Variants in TG observed in about 807,000 individuals in gnomAD.
The protein encoded by TG is thyroglobulin.
Under a neutral mutation model 324.7 loss-of-function variants are expected in TG, and 270 were observed. The observed-to-expected ratio is 0.83, with a 90% CI of 0.75 to 0.92. The LOEUF is 0.92. Among genes scored for constraint, TG ranks in the 40% least tolerant of loss-of-function variants. The pLI is 0.00. For synonymous variants in TG, 1,401 were observed against 1,327.0 expected (o/e 1.06, Z -1.21); for missense variants, 3,591 against 3,456.4 (o/e 1.04, Z -0.98).
At chr8:132,870,387 T>G (rs1839373156) in intron 3 of TG, among the ~76,000 whole-genome samples, 1 of 146,956 alleles carries the variant, frequency 6.8e-6, no homozygotes. Context: ...ATGGTTGTCA[T>G]GGGGGCACGC....
chr8:133,133,946 G>C (rs1464487252), intron 47 of TG, among the ~76,000 whole-genome samples: 1 of 152,208 alleles, frequency 6.6e-6, no homozygotes, highest in Non-Finnish European at 1.5e-5. Context: ...ACCAACATCA[G>C]GGCTTCCAGC....
chr8:133,092,260 A>G (rs774336919), intron 41 of TG, among the ~76,000 whole-genome samples: 1 of 152,230 alleles, frequency 6.6e-6, no homozygotes, highest in African/African-American at 2.4e-5. Context: ...CGAAGCAACT[A>G]CAGTGACTAA....
intron 10 of TG, among the ~76,000 whole-genome samples, chr8:132,892,901 ATGTG>A (rs1044583478): frequency 3.1e-5 from 4 of 126,988 alleles, no homozygotes; most frequent in African/African-American, 1.3e-4. Flanking sequence ...GCCTGTGTGC[ATGTG>A]TGTGTGGTGT....
intron 41 of TG, chr8:133,058,954 TG>T (rs1841952274): frequency 4.2e-6 from 2 of 479,732 alleles, no homozygotes; most frequent in South Asian, 1.5e-5. Flanking sequence ...CATGCTGGCT[TG>T]GGGGCATTGG....
chr8:133,096,258 A>T lies in TG; in HGVS notation c.7457A>T (p.His2486Leu), dbSNP rs765324261. 58 of 1,614,070 alleles carry T rather than the reference A, an allele frequency of 3.6e-5. No homozygotes were observed. The highest frequency in any genetic ancestry group is 4.6e-5 in the Non-Finnish European group (54 of 1,180,040). Residue 2486 changes from histidine to leucine, a missense_variant, in exon 43 of 48, where the codon CAC (histidine) becomes CTC (leucine). Coordinates refer to ENST00000220616, the MANE Select transcript of TG (RefSeq NM_003235.5). ...FHYWGPVIDG[H>L]FLREPPARAL... ...TACTGGGGTCCTGTGATCGATGGCC[A>T]CTTCCTCCGTGAGCCTCCAGCCAGA...
Position 132,913,063 on chromosome 8 carries a change from C to T in TG, c.4176C>T (p.Gly1392=). Residue 1392 remains glycine (G), a synonymous_variant, in exon 20 of 48, where the codon GGC becomes GGT. Transcript: ENST00000220616. ...GTCTTACAGAGAGAGCCTTGGTGGG[C>T]AAGGATCTCCTTGGGCGCTTCACAG... The part of the protein sequence containing the change: ...DLHDIERALV[G]KDLLGRFTDL... The T allele has an allele frequency of 6.2e-7, 1 of 1,614,146 alleles. No homozygotes were observed. Among genetic ancestry groups the T allele is most frequent in the Non-Finnish European group, 8.5e-7 (1 of 1,180,008 alleles).
intron 20 of TG, among the ~76,000 whole-genome samples, chr8:132,914,311 A>G (rs1819978113): frequency 6.6e-6 from 1 of 152,210 alleles, no homozygotes; most frequent in African/African-American, 2.4e-5. Context: ...GTGGGGTGAG[A>G]TAGAAAGACA....
intron 2 of TG, among the ~76,000 whole-genome samples, chr8:132,868,865 C>T (rs1275016426): frequency 6.6e-6 from 1 of 152,224 alleles, no homozygotes; most frequent in Non-Finnish European, 1.5e-5. Flanking sequence ...AATGTGCATG[C>T]ATTGAAATTT....
intron 45 of TG, among the ~76,000 whole-genome samples, chr8:133,128,728 A>G (rs1293435053): frequency 6.6e-6 from 1 of 152,216 alleles, no homozygotes; most frequent in Admixed American, 6.5e-5. Flanking sequence ...TAGGATGAGC[A>G]GCTGTCAGAT....
chr8:133,030,695 T>C (rs1836556654), intron 41 of TG, among the ~76,000 whole-genome samples: 1 of 152,208 alleles, frequency 6.6e-6, no homozygotes. Context: ...TTAAAGCAGA[T>C]ATTTATAAGA....
At chr8:132,931,154 T>G (rs1316696062) in intron 23 of TG, among the ~76,000 whole-genome samples, 1 of 152,232 alleles carries the variant, frequency 6.6e-6, no homozygotes, top group Non-Finnish European at 1.5e-5. Flanking sequence ...GACTCACTTC[T>G]CCCTGTGACT....
At chr8:132,924,536 C>T (rs929314233) in intron 22 of TG, among the ~76,000 whole-genome samples, 2 of 152,136 alleles carry the variant, frequency 1.3e-5, no homozygotes, top group East Asian at 1.9e-4. Context: ...TCAACAAATA[C>T]GTATTGAGCT....
Position 132,887,267 on chromosome 8 carries a change from T to A in TG, c.1895T>A (p.Phe632Tyr), listed in dbSNP as rs1344496823. 1 of 1,602,018 alleles carries A rather than the reference T, an allele frequency of 6.2e-7. No individual in the cohort carries two copies. The highest frequency in any genetic ancestry group is 8.5e-7 in the Non-Finnish European group (1 of 1,173,086). Residue 632 changes from phenylalanine to tyrosine, a missense_variant, in exon 9 of 48, where the codon TTT (phenylalanine) becomes TAT (tyrosine). By Grantham distance (22) the Phe-to-Tyr change is conservative (BLOSUM62 3). Coordinates refer to ENST00000220616, the MANE Select transcript of TG (RefSeq NM_003235.5). ...TEGSYEDVQC[F>Y]SGECWCVNSW... ...GGAAGCTATGAGGATGTCCAATGCT[T>A]TTCCGGAGAGTGCTGGTGTGTGAAT...
At chr8:132,944,162 C>G (rs904694622) in intron 26 of TG, among the ~76,000 whole-genome samples, 3 of 152,222 alleles carry the variant, frequency 2.0e-5, no homozygotes, top group African/African-American at 7.2e-5. Flanking sequence ...CCCCACAGCC[C>G]TCTTCCCTTC....
chr8:133,122,811 GA>G (rs1176392755), intron 45 of TG, among the ~76,000 whole-genome samples: 5 of 152,132 alleles, frequency 3.3e-5, no homozygotes, highest in Non-Finnish European at 5.9e-5. Context: ...ACTGATGAGA[GA>G]AAAAAACTCA....
intron 35 of TG, among the ~76,000 whole-genome samples, chr8:133,010,062 G>A (rs1834370189): frequency 6.6e-6 from 1 of 152,124 alleles, no homozygotes; most frequent in Non-Finnish European, 1.5e-5. Flanking sequence ...GTTATCAAAG[G>A]CAAAGACCCT....
chr8:133,061,704 G>T (rs139091589), intron 41 of TG, among the ~76,000 whole-genome samples: 35 of 152,302 alleles, frequency 2.3e-4, no homozygotes, highest in Middle Eastern at 3.4e-3. Flanking sequence ...ACCTGTGTCT[G>T]CAGCTCAGGA....
chr8:132,996,706 G>A (rs1422560798), intron 35 of TG, among the ~76,000 whole-genome samples: 1 of 152,182 alleles, frequency 6.6e-6, no homozygotes, highest in South Asian at 2.1e-4. Flanking sequence ...AGGAGAAGAA[G>A]TAGGCATTTA....
chr8:133,080,058 T>C (rs72729540), intron 41 of TG, among the ~76,000 whole-genome samples: 5,984 of 152,112 alleles, frequency 0.039, 171 homozygotes, highest in Middle Eastern at 0.078. Flanking sequence ...AGTAAAGTCA[T>C]AGAAGGGAAC....
Sources: gnomAD v4.1 joint callset for allele counts (sites outside exome capture counted in the v4.1 genomes callset) on GRCh38, gnomAD v4.1.1 for gene constraint, MANE v1.5 for transcripts, NCBI Gene and HGNC (gene_info 2026-07-23, HGNC 2026-07-21) for gene names.